The following MYO5A variants were observed in gnomAD, a reference collection of about 807,000 sequenced individuals.
The protein encoded by MYO5A is unconventional myosin-Va.
MYO5A carries 98 observed loss-of-function variants against 249.7 expected under a neutral mutation model. The observed-to-expected ratio is 0.39, with a 90% confidence interval of 0.33 to 0.46. The LOEUF is 0.46. Among genes scored for constraint, MYO5A ranks in the 20% least tolerant of loss-of-function variants. The probability of loss-of-function intolerance (pLI) is 0.98; values close to 1 mark genes in which losing one functional copy is unlikely to be tolerated. For synonymous variants in MYO5A, 778 were observed against 810.6 expected (o/e 0.96, Z 0.68); for missense variants, 1,696 against 2,308.8 (o/e 0.73, Z 5.44).
chr15:52,470,459 C>G (rs1001903395), intron 1 of MYO5A, among the ~76,000 whole-genome samples: 4 of 151,972 alleles, frequency 2.6e-5, no homozygotes, highest in African/African-American at 7.3e-5. Flanking sequence ...CGAGAACACC[C>G]GGACCAACAT....
chr15:52,428,744 G>A (rs55900639), intron 2 of MYO5A, among the ~76,000 whole-genome samples, 175 bp from the exon 3 acceptor site: 622 of 152,248 alleles, frequency 4.1e-3, no homozygotes, highest in Middle Eastern at 0.024. Flanking sequence ...TATGAAGTGC[G>A]TTTTCATTAG....
intron 18 of MYO5A, among the ~76,000 whole-genome samples, chr15:52,378,529 A>AAAAAAAAAAAAAAAAAAAAG (rs1476819491): frequency 7.0e-6 from 1 of 142,228 alleles, no homozygotes; most frequent in Non-Finnish European, 1.5e-5. Flanking sequence ...AAAAAAAAAA[A>AAAAAAAAAAAAAAAAAAAAG]AAGAAGGGAA....
At chr15:52,376,636 G>A in intron 18 of MYO5A, 78 bp from the exon 19 acceptor site, 1 of 1,366,218 alleles carries the variant, frequency 7.3e-7, no homozygotes, top group Non-Finnish European at 1.0e-6. Flanking sequence ...TCTAAAAGCA[G>A]AATCAGTAAA....
chr15:52,492,816 G>A (rs566447215), intron 1 of MYO5A, among the ~76,000 whole-genome samples: 1 of 152,344 alleles, frequency 6.6e-6, no homozygotes, highest in East Asian at 1.9e-4. Flanking sequence ...TTGGCCAGGA[G>A]TTGATACTGT....
chr15:52,405,289 G>A lies in MYO5A; in HGVS notation c.1051C>T (p.Pro351Ser), dbSNP rs1425621215. ...TSRDADSCTI[P>S]PKHEPLCIFC... ...ACTAAAGCTTATTCTGAACTTACAG[G>A]TATTGTGCAGCTGTCTGCATCTCGG... Residue 351 changes from proline (P) to serine (S), a missense_variant and splice_region_variant, in exon 9 of 42, where the codon CCT (proline) becomes TCT (serine). Coordinates refer to ENST00000399233, the MANE Select transcript of MYO5A (RefSeq NM_001382347.1). 1.9e-6 allele frequency: 3 copies of A among 1,604,378 alleles called. No homozygotes were observed. The highest frequency in any genetic ancestry group is 2.2e-5 in the East Asian group (1 of 44,778).
chr15:52,321,182 T>C (rs2038292513), intron 38 of MYO5A, among the ~76,000 whole-genome samples, 177 bp downstream of exon 38: 1 of 152,252 alleles, frequency 6.6e-6, no homozygotes, highest in Admixed American at 6.5e-5. Context: ...GATTTCGATG[T>C]ATCCCAGTTA....
intron 1 of MYO5A, among the ~76,000 whole-genome samples, chr15:52,477,469 T>C (rs1470264825): frequency 6.6e-6 from 1 of 152,230 alleles, no homozygotes; most frequent in Non-Finnish European, 1.5e-5. Context: ...TGTGTTCCTT[T>C]GGAGGAGAAG....
intron 30 of MYO5A, among the ~76,000 whole-genome samples, chr15:52,344,691 A>G (rs2039532839): frequency 6.6e-6 from 1 of 152,216 alleles, no homozygotes; most frequent in African/African-American, 2.4e-5. Context: ...CCAAAAATCA[A>G]ATCTCATCAC....
intron 15 of MYO5A, among the ~76,000 whole-genome samples, chr15:52,383,856 A>C (rs1478661584): frequency 1.3e-5 from 2 of 152,248 alleles, no homozygotes; most frequent in African/African-American, 2.4e-5. Context: ...GAGCTGACCG[A>C]GGCACTGTAC....
intron 1 of MYO5A, among the ~76,000 whole-genome samples, chr15:52,497,616 G>A (rs545808918): frequency 6.6e-6 from 1 of 151,024 alleles, no homozygotes; most frequent in East Asian, 1.9e-4. Context: ...AATTAGCCGG[G>A]CGTGGCAGTG....
At position 52,391,592 on chromosome 15, in the gene MYO5A, A is replaced by G. The variant is rs536550107; in HGVS notation, c.1542+338T>C. ...TATAACTATTTAGAACTGTTATTCAAAATATCTTCTGCACAGTTTCTTGCA... is the reference window on the plus strand; with the variant it reads ...TATAACTATTTAGAACTGTTATTCAGAATATCTTCTGCACAGTTTCTTGCA... On this transcript the variant is annotated intron_variant, in intron 12 of 41. Transcript: ENST00000399233. 3.3e-5 allele frequency among the ~76,000 whole-genome samples: 5 copies of G among 152,348 alleles called. No homozygotes were observed. The South Asian group carries it at 6.2e-4, about 19-fold the overall frequency.
chr15:52,486,337 A>C (rs1162028124), intron 1 of MYO5A, among the ~76,000 whole-genome samples: 1 of 152,208 alleles, frequency 6.6e-6, no homozygotes, highest in Non-Finnish European at 1.5e-5. Context: ...ACTCAGGTTG[A>C]GTGAGTCAAA....
At chr15:52,488,321 C>G (rs867914931) in intron 1 of MYO5A, among the ~76,000 whole-genome samples, 3 of 151,946 alleles carry the variant, frequency 2.0e-5, no homozygotes, top group African/African-American at 2.4e-5. Flanking sequence ...TCTTGGAAAC[C>G]ACATTTTAAT....
At chr15:52,461,595 A>G in intron 1 of MYO5A, among the ~76,000 whole-genome samples, 1 of 152,172 alleles carries the variant, frequency 6.6e-6, no homozygotes, top group East Asian at 1.9e-4. Flanking sequence ...AAACTTATTC[A>G]TATTTAAATC....
chr15:52,355,087 T>C (rs1279464280), intron 25 of MYO5A, among the ~76,000 whole-genome samples: 7 of 152,256 alleles, frequency 4.6e-5, no homozygotes, highest in Admixed American at 1.3e-4. Flanking sequence ...ATTTTTTACA[T>C]TGTACATTCC....
At position 52,323,411 on chromosome 15, in the gene MYO5A, A is replaced by G; in HGVS notation, c.4744T>C (p.Trp1582Arg). Residue 1582 changes from tryptophan to arginine, a missense_variant, in exon 37 of 42, where the codon TGG becomes CGG. Transcript: ENST00000399233. ...RGDDFETVSF[W>R]LSNTCRFLHC... ...AAAAATCGGCATGTGTTAGAGAGCC[A>G]GAAGGAGACGGTTTCAAAATCATCA... 6.2e-7 allele frequency: 1 copy of G among 1,613,836 alleles called. No homozygotes were observed. Among genetic ancestry groups the G allele is most frequent in the Admixed American group, 1.7e-5 (1 of 60,026 alleles).
At chr15:52,407,185 C>G (rs1164444582) in intron 8 of MYO5A, 107 bp downstream of exon 8, 1 of 792,776 alleles carries the variant, frequency 1.3e-6, no homozygotes, top group Non-Finnish European at 2.2e-6. Flanking sequence ...ATTAAATCTT[C>G]TAGCAATACT....
intron 25 of MYO5A, among the ~76,000 whole-genome samples, chr15:52,355,506 T>C (rs2040175140): frequency 6.6e-6 from 1 of 152,266 alleles, no homozygotes; most frequent in African/African-American, 2.4e-5. Flanking sequence ...AAGCCCAGCC[T>C]TGGCTCTGCA....
chr15:52,436,546 A>G (rs907353884), intron 1 of MYO5A, among the ~76,000 whole-genome samples: 8 of 152,128 alleles, frequency 5.3e-5, no homozygotes, highest in Non-Finnish European at 1.2e-4. Context: ...TCTCTATTTT[A>G]CATTCTTCAG....
Sources: gnomAD v4.1 joint callset for allele counts (sites outside exome capture counted in the v4.1 genomes callset) on GRCh38, gnomAD v4.1.1 for gene constraint, MANE v1.5 for transcripts, NCBI Gene and HGNC (gene_info 2026-07-23, HGNC 2026-07-21) for gene names.